MAML3: variants seen among roughly 807,000 people sequenced by gnomAD.
MAML3 encodes the protein mastermind like transcriptional coactivator 3.
In MAML3, 27 loss-of-function variants were observed where a neutral mutation model predicts 101.9. The ratio of observed to expected loss-of-function variants is 0.27; its 90% CI spans 0.20 to 0.37. The LOEUF (loss-of-function observed/expected upper bound fraction) is 0.37, where lower values mean the gene tolerates loss of function less well. Among genes scored for constraint, MAML3 ranks in the 10% least tolerant of loss-of-function variants. The probability of loss-of-function intolerance (pLI) is 1.00; values close to 1 mark genes in which losing one functional copy is unlikely to be tolerated. For missense variants in MAML3, 1,316 were observed against 1,444.9 expected, an observed-to-expected ratio of 0.91 and a Z score of 1.45; for synonymous variants, 501 against 555.9, an observed-to-expected ratio of 0.90 and a Z score of 1.39.
chr4:140,132,956 TTTGA>T (rs2111042448), intron 1 of MAML3: 1 of 316,078 alleles, frequency 3.2e-6, no homozygotes, highest in East Asian at 7.7e-5. Context: ...CAGTCCACTC[TTTGA>T]TAAGAGTTTA....
chr4:139,751,366 T>C (rs1560782748), intron 2 of MAML3, among the ~76,000 whole-genome samples: 1 of 152,224 alleles, frequency 6.6e-6, no homozygotes, highest in African/African-American at 2.4e-5. Flanking sequence ...ATCTTGGGAA[T>C]GGGACCCAAG....
At chr4:139,839,469 ATT>A (rs5862438) in intron 2 of MAML3, among the ~76,000 whole-genome samples, 41,571 of 146,214 alleles carry the variant, frequency 0.28, 6,820 homozygotes, top group East Asian at 0.68. Flanking sequence ...AGTCCAACAG[ATT>A]TTTTTTTTTT....
chr4:139,823,449 G>T (rs1375262749), intron 2 of MAML3, among the ~76,000 whole-genome samples: 1 of 152,162 alleles, frequency 6.6e-6, no homozygotes, highest in African/African-American at 2.4e-5. Context: ...CAAAGGCCAT[G>T]AACTGTGACT....
At chr4:140,061,931 ATC>A (rs1727453810) in intron 1 of MAML3, among the ~76,000 whole-genome samples, 1 of 152,232 alleles carries the variant, frequency 6.6e-6, no homozygotes, top group African/African-American at 2.4e-5. Context: ...AGAAAAAAAC[ATC>A]TGTTTCTGAA....
At chr4:139,804,872 CA>C (rs1393333011) in intron 2 of MAML3, among the ~76,000 whole-genome samples, 1 of 152,002 alleles carries the variant, frequency 6.6e-6, no homozygotes, top group Non-Finnish European at 1.5e-5. Context: ...TTAGTACTCA[CA>C]AATAACAATT....
chr4:139,996,209 G>T (rs1012345920), intron 1 of MAML3, among the ~76,000 whole-genome samples: 3 of 152,172 alleles, frequency 2.0e-5, no homozygotes, highest in East Asian at 3.8e-4. Flanking sequence ...CATTTGAAAA[G>T]AATGTATATT....
chr4:139,866,273 T>C (rs1209013558), intron 2 of MAML3, among the ~76,000 whole-genome samples: 2 of 152,238 alleles, frequency 1.3e-5, no homozygotes, highest in African/African-American at 4.8e-5. Flanking sequence ...ACTCTTGCCT[T>C]GGGCTCCACA....
intron 1 of MAML3, among the ~76,000 whole-genome samples, chr4:140,117,382 A>G (rs1728533508): frequency 2.0e-5 from 3 of 151,932 alleles, no homozygotes; most frequent in South Asian, 2.1e-4. Flanking sequence ...ACTTCCAAAA[A>G]TAAGTTAAAC....
At chr4:139,792,681 T>C (rs115173666) in intron 2 of MAML3, among the ~76,000 whole-genome samples, 1,904 of 152,210 alleles carry the variant, frequency 0.013, 40 homozygotes, top group African/African-American at 0.042. Context: ...AAGCTATTAA[T>C]ACTGTTAACA....
intron 1 of MAML3, among the ~76,000 whole-genome samples, chr4:140,117,658 T>TATAC (rs1459841635): frequency 1.3e-5 from 2 of 151,500 alleles, no homozygotes; most frequent in Non-Finnish European, 2.9e-5. Context: ...GGTATATATA[T>TATAC]ATATACACAT....
intron 1 of MAML3, among the ~76,000 whole-genome samples, chr4:140,056,415 T>C (rs62345586): frequency 6.6e-6 from 1 of 150,812 alleles, no homozygotes; most frequent in Non-Finnish European, 1.5e-5. Flanking sequence ...TGGAGTGCAA[T>C]GGCGCGATCT....
rs1233171316 is a variant in MAML3, at chr4:139,912,474, T to G, written c.469-21507A>C. Among the ~76,000 whole-genome samples, 3 of 152,342 alleles carry G rather than the reference T, an allele frequency of 2.0e-5. No homozygotes were observed. In the East Asian group the frequency reaches 5.8e-4, roughly 29 times the overall value. On this transcript the variant is annotated intron_variant, in intron 1 of 4. Transcript: ENST00000509479. ...CTCTGAAGCAGAAGTCTAGGCACTG[T>G]TGTGGGTTAAATTGCGTCCTCCCCA...
chr4:139,983,759 T>G (rs1423763269), intron 1 of MAML3, among the ~76,000 whole-genome samples: 1 of 152,140 alleles, frequency 6.6e-6, no homozygotes, highest in Non-Finnish European at 1.5e-5. Context: ...AAATATCATT[T>G]GGAAAGTGAA....
intron 2 of MAML3, among the ~76,000 whole-genome samples, chr4:139,771,221 G>C (rs1183900659): frequency 6.6e-6 from 1 of 152,190 alleles, no homozygotes; most frequent in Non-Finnish European, 1.5e-5. Flanking sequence ...AGAGGGTTTT[G>C]GGCAGCCATT....
intron 2 of MAML3, among the ~76,000 whole-genome samples, chr4:139,793,440 CAT>C (rs1257776399): frequency 6.6e-6 from 1 of 152,192 alleles, no homozygotes; most frequent in African/African-American, 2.4e-5. Flanking sequence ...GATGTGCACA[CAT>C]GACCCATTGG....
intron 2 of MAML3, among the ~76,000 whole-genome samples, chr4:139,768,909 CT>C (rs1394350428): frequency 6.6e-6 from 1 of 152,190 alleles, no homozygotes; most frequent in Non-Finnish European, 1.5e-5. Flanking sequence ...TAGGATGTGA[CT>C]GTTTAAATTC....
At chr4:139,929,914 T>C (rs1733345827) in intron 1 of MAML3, among the ~76,000 whole-genome samples, 1 of 152,174 alleles carries the variant, frequency 6.6e-6, no homozygotes, top group South Asian at 2.1e-4. Context: ...ACCCGTCAGC[T>C]ATAAGGAAGT....
At chr4:139,956,886 G>C (rs771501387) in intron 1 of MAML3, among the ~76,000 whole-genome samples, 1 of 152,188 alleles carries the variant, frequency 6.6e-6, no homozygotes. Context: ...CTGACCCTTA[G>C]AACAGATGAC....
chr4:140,070,789 G>C (rs1407723014), intron 1 of MAML3, among the ~76,000 whole-genome samples: 1 of 152,192 alleles, frequency 6.6e-6, no homozygotes, highest in Non-Finnish European at 1.5e-5. Flanking sequence ...ATTCGAACTT[G>C]ATTGAGACTT....
Sources: allele counts gnomAD v4.1 joint callset (sites outside exome capture counted in the v4.1 genomes callset), GRCh38; gene constraint gnomAD v4.1.1; transcripts MANE v1.5; gene names NCBI Gene and HGNC (gene_info 2026-07-23, HGNC 2026-07-21).